Variants in SLC44A1 observed in about 807,000 individuals in gnomAD.
SLC44A1 encodes choline transporter-like protein 1.
Under a neutral mutation model 79.3 loss-of-function variants are expected in SLC44A1, and 26 were observed. The ratio of observed to expected loss-of-function variants is 0.33; its 90% CI spans 0.24 to 0.46. The LOEUF is 0.46. Ranked by LOEUF, SLC44A1 falls within the 20% of genes least tolerant of loss-of-function variation. SLC44A1 has a pLI of 1.00. For missense variants in SLC44A1, 688 were observed against 798.1 expected (o/e 0.86, Z 1.66); for synonymous variants, 263 against 286.2 (o/e 0.92, Z 0.82).
chr9:105,363,231 T>C (rs1588834086), intron 9 of SLC44A1, among the ~76,000 whole-genome samples: 1 of 152,076 alleles, frequency 6.6e-6, no homozygotes, highest in Admixed American at 6.5e-5. Flanking sequence ...GGTGCTCTCT[T>C]GGCTCACTGC....
chr9:105,424,784 C>G (rs1355892653), intron 15 of SLC44A1, among the ~76,000 whole-genome samples: 1 of 151,512 alleles, frequency 6.6e-6, no homozygotes. Context: ...CCATCTCTAC[C>G]AAAAGTACAA....
chr9:105,358,323 T>A (rs1401509201), intron 6 of SLC44A1, 21 bp from the exon 7 acceptor site: 2 of 1,285,696 alleles, frequency 1.6e-6, no homozygotes, highest in Non-Finnish European at 2.2e-6. Context: ...ATATTCTATA[T>A]GTTCTCTATC....
intron 14 of SLC44A1, among the ~76,000 whole-genome samples, chr9:105,384,701 A>G (rs922657242): frequency 6.6e-6 from 1 of 152,190 alleles, no homozygotes; most frequent in Admixed American, 6.5e-5. Context: ...TTTTTAAGTC[A>G]CTGATCAAAA....
chr9:105,341,008 C>T (rs1827069587), intron 4 of SLC44A1, among the ~76,000 whole-genome samples: 1 of 152,036 alleles, frequency 6.6e-6, no homozygotes, highest in Non-Finnish European at 1.5e-5. Flanking sequence ...TGTCATATTA[C>T]AAAGGCTTTT....
chr9:105,372,868 T>C (rs1828151877), intron 12 of SLC44A1, among the ~76,000 whole-genome samples: 1 of 146,396 alleles, frequency 6.8e-6, no homozygotes, highest in Admixed American at 6.8e-5. Context: ...GAGAATGGCG[T>C]GAACCCGGGA....
intron 1 of SLC44A1, among the ~76,000 whole-genome samples, chr9:105,254,146 G>A (rs887261669): frequency 6.6e-6 from 1 of 152,186 alleles, no homozygotes; most frequent in Non-Finnish European, 1.5e-5. Flanking sequence ...GTAGCTTTCA[G>A]GTTGGTTAGT....
At chr9:105,420,890 G>A (rs12004055) in intron 15 of SLC44A1, among the ~76,000 whole-genome samples, 1,217 of 112,764 alleles carry the variant, frequency 0.011, 17 homozygotes, top group African/African-American at 0.044. Flanking sequence ...AAAAAAAAAA[G>A]GATGGTCTAG....
chr9:105,370,909 A>G (rs1261901036), intron 12 of SLC44A1, among the ~76,000 whole-genome samples: 2 of 152,218 alleles, frequency 1.3e-5, no homozygotes, highest in Non-Finnish European at 2.9e-5. Flanking sequence ...GCTATTTAGT[A>G]TCAGGATGTA....
At chr9:105,289,043 T>C (rs964572581) in intron 1 of SLC44A1, among the ~76,000 whole-genome samples, 1 of 152,222 alleles carries the variant, frequency 6.6e-6, no homozygotes, top group Non-Finnish European at 1.5e-5. Context: ...AGCCATATAA[T>C]ATCTGCGGGA....
intron 1 of SLC44A1, among the ~76,000 whole-genome samples, chr9:105,251,918 A>T (rs1829597770): frequency 6.6e-6 from 1 of 152,192 alleles, no homozygotes; most frequent in African/African-American, 2.4e-5. Context: ...GTTAATATTA[A>T]TGTCTAGACT....
intron 15 of SLC44A1, among the ~76,000 whole-genome samples, chr9:105,432,483 T>C (rs540805490): frequency 6.6e-6 from 1 of 152,344 alleles, no homozygotes; most frequent in East Asian, 1.9e-4. Flanking sequence ...TAGGTTAACA[T>C]GCAAGTTGTA....
chr9:105,270,728 A>G (rs1426774447), intron 1 of SLC44A1, among the ~76,000 whole-genome samples: 2 of 151,998 alleles, frequency 1.3e-5, no homozygotes, highest in South Asian at 4.1e-4. Flanking sequence ...ACCTGAAATC[A>G]TTATCTATTT....
chr9:105,404,264 A>G (rs1232752849), intron 15 of SLC44A1, among the ~76,000 whole-genome samples: 6 of 147,380 alleles, frequency 4.1e-5, no homozygotes, highest in Admixed American at 3.4e-4. Context: ...AAGAATGGAG[A>G]GAAAGGGATA....
Position 105,374,705 on chromosome 9 carries a change from A to G in SLC44A1, c.1602A>G (p.Thr534=). The G allele has an allele frequency of 6.2e-7, 1 of 1,613,218 alleles. No individual in the cohort carries two copies. Among genetic ancestry groups the G allele is most frequent in the Non-Finnish European group, 8.5e-7 (1 of 1,179,382 alleles). Reference sequence around the variant, plus strand: ...CTTTGCGAGTGGCTACCATCAACACAGTAGGAGATTTTATGTTATTCCTTG... The same window carrying G: ...CTTTGCGAGTGGCTACCATCAACACGGTAGGAGATTTTATGTTATTCCTTG... ...ENALRVATIN[T]VGDFMLFLGK... Residue 534 remains threonine, a synonymous_variant, in exon 13 of 16, where the codon ACA becomes ACG. Coordinates refer to ENST00000374720, the MANE Select transcript of SLC44A1 (RefSeq NM_080546.5).
intron 15 of SLC44A1, among the ~76,000 whole-genome samples, chr9:105,403,894 C>T (rs1328799101): frequency 3.3e-5 from 5 of 151,330 alleles, no homozygotes; most frequent in African/African-American, 1.2e-4. Flanking sequence ...GTCTTGCAGG[C>T]CACCCTAACG....
At chr9:105,287,272 A>G (rs1218687174) in intron 1 of SLC44A1, among the ~76,000 whole-genome samples, 1 of 152,324 alleles carries the variant, frequency 6.6e-6, no homozygotes, top group African/African-American at 2.4e-5. Context: ...TTACTACTCA[A>G]TTATACCTCA....
chr9:105,394,999 C>T lies in SLC44A1; in HGVS notation c.*5943C>T. The T allele has an allele frequency of 1.0e-6, 1 of 985,422 alleles. No individual in the cohort carries two copies. Among genetic ancestry groups the T allele is most frequent in the Non-Finnish European group, 1.2e-6 (1 of 829,948 alleles). 61.0% of individuals were successfully genotyped at this position (985,422 alleles called of 1,614,324 possible). A position where few individuals can be genotyped will look rare whatever the true frequency, so the allele number is the denominator to read the frequency against. On this transcript the variant is annotated 3_prime_UTR_variant, in exon 16 of 16. Coordinates refer to ENST00000374720, the MANE Select transcript of SLC44A1 (RefSeq NM_080546.5). ...AAGGGTGCTGCATCTACATGGAAGGCTCCCTGGGCCCTTGAAAAAGCAGGC... is the reference window on the plus strand; with the variant it reads ...AAGGGTGCTGCATCTACATGGAAGGTTCCCTGGGCCCTTGAAAAAGCAGGC...
At chr9:105,314,190 G>C (rs1831257641) in intron 3 of SLC44A1, among the ~76,000 whole-genome samples, 1 of 152,148 alleles carries the variant, frequency 6.6e-6, no homozygotes, top group Non-Finnish European at 1.5e-5. Context: ...GACTGAGCTG[G>C]GACAAAAGGT....
intron 15 of SLC44A1, among the ~76,000 whole-genome samples, chr9:105,405,584 C>G (rs1008257355): frequency 2.0e-5 from 3 of 152,112 alleles, no homozygotes; most frequent in African/African-American, 7.2e-5. Flanking sequence ...AAAGTGGTGG[C>G]TCATGTTTCT....
Sources: allele counts gnomAD v4.1 joint callset (sites outside exome capture counted in the v4.1 genomes callset), GRCh38; gene constraint gnomAD v4.1.1; transcripts MANE v1.5; gene names NCBI Gene and HGNC (gene_info 2026-07-23, HGNC 2026-07-21).